RXFP1: variants seen among roughly 807,000 people sequenced by gnomAD.
RXFP1 encodes relaxin family peptide receptor 1.
In RXFP1, 73 loss-of-function variants were observed where a neutral mutation model predicts 89.8. The observed-to-expected ratio is 0.81, with a 90% CI of 0.67 to 0.99. RXFP1 has a LOEUF of 0.99. Ranked by LOEUF, RXFP1 falls within the 50% of genes least tolerant of loss-of-function variation. The pLI is 0.00. For missense variants in RXFP1, 793 were observed against 895.5 expected (o/e 0.89, Z 1.46); for synonymous variants, 277 against 305.5 (o/e 0.91, Z 0.97).
chr4:158,581,677 C>T (rs1757383068), intron 2 of RXFP1, among the ~76,000 whole-genome samples: 1 of 152,114 alleles, frequency 6.6e-6, no homozygotes, highest in African/African-American at 2.4e-5. Flanking sequence ...CTCATGACAA[C>T]CCAGGAGAAA....
chr4:158,628,974 A>T (rs1447464701), intron 11 of RXFP1, among the ~76,000 whole-genome samples: 2 of 124,496 alleles, frequency 1.6e-5, no homozygotes, highest in African/African-American at 3.4e-5. Flanking sequence ...AATAAATAAA[A>T]TACATTCTAC....
chr4:158,642,605 A>C (rs910309927), intron 14 of RXFP1, among the ~76,000 whole-genome samples: 1 of 152,186 alleles, frequency 6.6e-6, no homozygotes, highest in African/African-American at 2.4e-5. Context: ...TAGTTGCCAC[A>C]ATGACAGAAT....
Position 158,638,018 on chromosome 4 carries a change from T to G in RXFP1, c.982T>G (p.Tyr328Asp). 4 of 1,599,524 alleles carry G rather than the reference T, an allele frequency of 2.5e-6. No homozygotes were observed. Among genetic ancestry groups the G allele is most frequent in the Non-Finnish European group, 3.4e-6 (4 of 1,167,710 alleles). The change falls in exon 13 of 18, where the codon TAT becomes GAT. Residue 328 changes from tyrosine (Y) to aspartate (D), a missense_variant. Transcript: ENST00000307765. Reference protein sequence around the residue: ...LKELSQLNLSYNPIQKIQANQ... With the variant: ...LKELSQLNLSDNPIQKIQANQ... ...TTTTTTAAAAAACAGGAATCTTTCC[T>G]ATAATCCAATCCAGAAAATTCAAGC...
chr4:158,547,193 G>C (rs574285065), intron 1 of RXFP1, among the ~76,000 whole-genome samples: 1 of 152,026 alleles, frequency 6.6e-6, no homozygotes, highest in South Asian at 2.1e-4. Context: ...TGTATGTTTT[G>C]AGGAATTTAT....
chr4:158,631,210 C>T (rs1313848481), intron 11 of RXFP1, among the ~76,000 whole-genome samples: 1 of 152,198 alleles, frequency 6.6e-6, no homozygotes, highest in Middle Eastern at 3.2e-3. Flanking sequence ...TTGAACAAGA[C>T]ATTTGGAATT....
chr4:158,585,323 A>G lies in RXFP1; in HGVS notation c.188-8078A>G, dbSNP rs1035054910. Among the ~76,000 whole-genome samples, 6 of 152,328 alleles carry G rather than the reference A, an allele frequency of 3.9e-5. No individual in the cohort carries two copies. In the East Asian group the frequency reaches 1.2e-3, roughly 29 times the overall value. ...ATGTTACCATAGAACTCTCTTCTCA[A>G]GGATATTCCTGAGAAACTATTTCAG... On this transcript the variant is annotated intron_variant, in intron 2 of 17. Transcript: ENST00000307765.
At chr4:158,524,473 G>A (rs1158518678) in intron 1 of RXFP1, among the ~76,000 whole-genome samples, 1 of 152,152 alleles carries the variant, frequency 6.6e-6, no homozygotes, top group Non-Finnish European at 1.5e-5. Context: ...CGTTGATCTA[G>A]AATTCAATTC....
At chr4:158,631,605 C>A (rs536742884) in intron 11 of RXFP1, among the ~76,000 whole-genome samples, 1 of 152,092 alleles carries the variant, frequency 6.6e-6, no homozygotes, top group Admixed American at 6.6e-5. Flanking sequence ...CCTCCCTGGG[C>A]TCAGAGGTTA....
At chr4:158,533,803 C>T (rs1744639715) in intron 1 of RXFP1, among the ~76,000 whole-genome samples, 2 of 152,062 alleles carry the variant, frequency 1.3e-5, no homozygotes, top group Non-Finnish European at 2.9e-5. Context: ...TTCACTTACA[C>T]CTGCCTTTCA....
At chr4:158,599,774 C>T (rs752320845) in intron 4 of RXFP1, among the ~76,000 whole-genome samples, 3 of 152,106 alleles carry the variant, frequency 2.0e-5, no homozygotes, top group Admixed American at 6.6e-5. Flanking sequence ...AGAATTTTCA[C>T]TTGACATTTA....
intron 1 of RXFP1, among the ~76,000 whole-genome samples, chr4:158,567,352 C>G (rs1753808724): frequency 1.3e-5 from 2 of 152,344 alleles, no homozygotes; most frequent in African/African-American, 4.8e-5. Flanking sequence ...TGAGTGAAGC[C>G]AGCTGGGCTC....
At chr4:158,598,680 C>T (rs1362999645) in intron 3 of RXFP1, among the ~76,000 whole-genome samples, 3 of 152,058 alleles carry the variant, frequency 2.0e-5, no homozygotes, top group Admixed American at 6.6e-5. Context: ...CCTCATTCTC[C>T]CTCTCTTTCC....
intron 3 of RXFP1, among the ~76,000 whole-genome samples, chr4:158,596,762 C>A (rs76146032): frequency 6.6e-6 from 1 of 152,018 alleles, no homozygotes; most frequent in Non-Finnish European, 1.5e-5. Context: ...TGACTTCATC[C>A]GAAGCCTAGT....
intron 17 of RXFP1, 58 bp from the exon 18 acceptor site, chr4:158,651,699 G>A: frequency 1.4e-6 from 2 of 1,392,118 alleles, no homozygotes; most frequent in Non-Finnish European, 1.9e-6. Flanking sequence ...GGGAAATTGG[G>A]TTTCTATACC....
At chr4:158,541,654 C>T (rs1398757409) in intron 1 of RXFP1, among the ~76,000 whole-genome samples, 1 of 151,990 alleles carries the variant, frequency 6.6e-6, no homozygotes, top group Non-Finnish European at 1.5e-5. Context: ...AACACTTTTC[C>T]CCATTTACTT....
At chr4:158,543,666 A>AT in intron 1 of RXFP1, 1 of 643,776 alleles carries the variant, frequency 1.6e-6, no homozygotes, top group South Asian at 7.0e-5. Context: ...CCACTTCTCT[A>AT]TTCCATTTCA....
At chr4:158,639,410 T>C in intron 14 of RXFP1, 79 bp downstream of exon 14, 1 of 819,546 alleles carries the variant, frequency 1.2e-6, no homozygotes, top group South Asian at 1.5e-5. Context: ...ATCCAATCTA[T>C]TAATATTTTC....
intron 1 of RXFP1, among the ~76,000 whole-genome samples, chr4:158,522,540 A>C (rs1741437872): frequency 1.3e-5 from 2 of 152,208 alleles, no homozygotes; most frequent in South Asian, 4.1e-4. Flanking sequence ...GGAAAGCACA[A>C]AGCAATGAAA....
intron 14 of RXFP1, among the ~76,000 whole-genome samples, chr4:158,639,894 G>T (rs1467646691): frequency 6.6e-6 from 1 of 152,008 alleles, no homozygotes; most frequent in African/African-American, 2.4e-5. Flanking sequence ...AGAGACTCTG[G>T]AGACGACCCT....
Sources: allele counts gnomAD v4.1 joint callset (sites outside exome capture counted in the v4.1 genomes callset), GRCh38; gene constraint gnomAD v4.1.1; transcripts MANE v1.5; gene names NCBI Gene and HGNC (gene_info 2026-07-23, HGNC 2026-07-21).